The following NAALADL2 variants were observed in gnomAD, a reference collection of about 807,000 sequenced individuals.
NAALADL2 encodes inactive N-acetylated-alpha-linked acidic dipeptidase-like protein 2.
A neutral mutation model predicts 87.2 loss-of-function variants in NAALADL2; 76 were observed. The ratio of observed to expected loss-of-function variants is 0.87; its 90% CI spans 0.72 to 1.05. The LOEUF (loss-of-function observed/expected upper bound fraction) is 1.05. Among genes scored for constraint, NAALADL2 ranks in the 50% least tolerant of loss-of-function variants. NAALADL2 has a pLI of 0.00. For missense variants in NAALADL2, 1,089 were observed against 945.8 expected (o/e 1.15, Z -1.99); for synonymous variants, 354 against 331.0 (o/e 1.07, Z -0.75).
intron 2 of NAALADL2, among the ~76,000 whole-genome samples, chr3:174,688,836 T>C (rs1428161630): frequency 6.6e-6 from 1 of 152,112 alleles, no homozygotes; most frequent in Non-Finnish European, 1.5e-5. Context: ...ATCTTAAAAG[T>C]ATGTTTTTGT....
intron 2 of NAALADL2, among the ~76,000 whole-genome samples, chr3:175,153,663 A>G (rs140478158): frequency 1.3e-3 from 195 of 152,336 alleles, no homozygotes; most frequent in African/African-American, 4.5e-3. Context: ...AGAAGAGATC[A>G]CCACTCATTA....
intron 3 of NAALADL2, among the ~76,000 whole-genome samples, chr3:174,828,966 CAAT>C (rs1341593652): frequency 7.2e-5 from 11 of 152,100 alleles, no homozygotes; most frequent in African/African-American, 2.6e-4. Context: ...AAGCTTGTAA[CAAT>C]AAAAGAAAAA....
intron 5 of NAALADL2, among the ~76,000 whole-genome samples, chr3:175,370,612 G>T (rs781527437): frequency 1.1e-4 from 17 of 152,250 alleles, no homozygotes; most frequent in Non-Finnish European, 1.9e-4. Context: ...CTCTGCTGCT[G>T]ACTCTACATG....
At chr3:174,817,813 G>A (rs143947777) in intron 3 of NAALADL2, among the ~76,000 whole-genome samples, 181 of 152,108 alleles carry the variant, frequency 1.2e-3, no homozygotes, top group Non-Finnish European at 2.3e-3. Flanking sequence ...TATGTCCATT[G>A]TCAATCAGCA....
intron 1 of NAALADL2, among the ~76,000 whole-genome samples, chr3:175,032,035 T>C (rs1040706721): frequency 6.6e-6 from 1 of 152,118 alleles, no homozygotes; most frequent in Non-Finnish European, 1.5e-5. Flanking sequence ...AATGCATAGT[T>C]TGCAAACATT....
At chr3:175,024,548 A>T (rs1264793140) in intron 1 of NAALADL2, among the ~76,000 whole-genome samples, 1 of 152,106 alleles carries the variant, frequency 6.6e-6, no homozygotes, top group Non-Finnish European at 1.5e-5. Context: ...AATCATAGGT[A>T]AGAGGAAATG....
chr3:174,817,513 G>A (rs989951456), intron 3 of NAALADL2, among the ~76,000 whole-genome samples: 3 of 152,238 alleles, frequency 2.0e-5, no homozygotes, highest in South Asian at 2.1e-4. Flanking sequence ...GAGGTGGGGG[G>A]ATCACTTGAG....
chr3:175,539,036 C>CA (rs1425844430), intron 9 of NAALADL2, among the ~76,000 whole-genome samples: 1 of 152,060 alleles, frequency 6.6e-6, no homozygotes, highest in Non-Finnish European at 1.5e-5. Context: ...TCTTAGGAGA[C>CA]AAAATAAACA....
intron 4 of NAALADL2, among the ~76,000 whole-genome samples, chr3:175,313,224 C>G (rs186607535): frequency 3.7e-4 from 56 of 152,204 alleles, no homozygotes; most frequent in African/African-American, 1.3e-3. Flanking sequence ...TTTAAAGGTC[C>G]TATTTCCAAA....
At chr3:174,731,780 C>A (rs1732725648) in intron 2 of NAALADL2, among the ~76,000 whole-genome samples, 1 of 152,090 alleles carries the variant, frequency 6.6e-6, no homozygotes, top group African/African-American at 2.4e-5. Context: ...ACCTTTAAGA[C>A]CCACTGGGTT....
intron 9 of NAALADL2, among the ~76,000 whole-genome samples, chr3:175,522,306 C>T (rs1333508211): frequency 1.3e-5 from 2 of 152,178 alleles, no homozygotes; most frequent in East Asian, 1.9e-4. Flanking sequence ...AACAAATATT[C>T]GTTGAATGCT....
chr3:175,097,299 A>T lies in NAALADL2; in HGVS notation c.545+8A>T, dbSNP rs372152361. 6.3e-7 allele frequency: 1 copy of T among 1,598,368 alleles called. No homozygotes were observed. The highest frequency in any genetic ancestry group is 8.5e-7 in the Non-Finnish European group (1 of 1,172,154). On this transcript the variant is annotated splice_region_variant and intron_variant, in intron 2 of 13. Transcript: ENST00000454872. The stretch of plus-strand genomic sequence containing the variant: ...TATTAAGAAGTCTTTCAGGTAGGTG[A>T]AGAAGAAACAGATGTTGTTTGAATG...
At chr3:175,578,283 C>T (rs560243223) in intron 10 of NAALADL2, among the ~76,000 whole-genome samples, 11 of 152,044 alleles carry the variant, frequency 7.2e-5, no homozygotes, top group African/African-American at 2.7e-4. Flanking sequence ...ATCAGCTGGC[C>T]GTGTTTGCAG....
At chr3:174,616,470 C>T (rs1410649778) in intron 2 of NAALADL2, among the ~76,000 whole-genome samples, 1 of 151,916 alleles carries the variant, frequency 6.6e-6, no homozygotes. Flanking sequence ...AGATTTTTCA[C>T]TGGTATTTTG....
chr3:174,744,780 A>C (rs755744284), intron 3 of NAALADL2, among the ~76,000 whole-genome samples: 9 of 152,210 alleles, frequency 5.9e-5, no homozygotes, highest in African/African-American at 2.2e-4. Flanking sequence ...TTTAGAAGTC[A>C]AGATTAAGAA....
intron 2 of NAALADL2, among the ~76,000 whole-genome samples, chr3:175,172,606 C>T (rs775804945): frequency 1.3e-5 from 2 of 152,082 alleles, no homozygotes; most frequent in South Asian, 4.1e-4. Context: ...TATCCTCACT[C>T]TTGCAAGAAA....
intron 10 of NAALADL2, among the ~76,000 whole-genome samples, chr3:175,610,784 A>T (rs1420858950): frequency 6.6e-6 from 1 of 152,088 alleles, no homozygotes; most frequent in African/African-American, 2.4e-5. Flanking sequence ...AGATCCACTA[A>T]TATAATAATA....
intron 10 of NAALADL2, among the ~76,000 whole-genome samples, chr3:175,622,575 A>T (rs1054790578): frequency 6.6e-6 from 1 of 152,088 alleles, no homozygotes; most frequent in African/African-American, 2.4e-5. Context: ...TTGACGACGA[A>T]GATGTGAATT....
At chr3:175,572,661 A>T (rs1458448977) in intron 9 of NAALADL2, among the ~76,000 whole-genome samples, 1 of 152,334 alleles carries the variant, frequency 6.6e-6, no homozygotes, top group African/African-American at 2.4e-5. Context: ...TTGAAGCTAA[A>T]TGATAGTAGC....
Sources: allele counts gnomAD v4.1 joint callset (sites outside exome capture counted in the v4.1 genomes callset), GRCh38; gene constraint gnomAD v4.1.1; transcripts MANE v1.5; gene names NCBI Gene and HGNC (gene_info 2026-07-23, HGNC 2026-07-21).